SGCZ: variants seen among roughly 807,000 people sequenced by gnomAD.
SGCZ encodes zeta-sarcoglycan.
SGCZ carries 40 observed loss-of-function variants against 41.3 expected under a neutral mutation model. The ratio of observed to expected loss-of-function variants is 0.97; its 90% CI spans 0.75 to 1.26. The LOEUF is 1.26. SGCZ is among the 50% of genes most tolerant of loss of function. The probability of loss-of-function intolerance (pLI) is 0.00; values close to 1 mark genes in which losing one functional copy is unlikely to be tolerated. For missense variants in SGCZ, 552 were observed against 369.8 expected (o/e 1.49, Z -4.04); for synonymous variants, 206 against 137.5 (o/e 1.50, Z -3.49).
intron 1 of SGCZ, among the ~76,000 whole-genome samples, chr8:14,691,978 T>C (rs947638467): frequency 6.6e-6 from 1 of 151,974 alleles, no homozygotes; most frequent in African/African-American, 2.4e-5. Context: ...ATACGTGAAA[T>C]ATTAGTAGGA....
chr8:14,282,628 C>G (rs922681579), intron 3 of SGCZ, among the ~76,000 whole-genome samples: 11 of 152,124 alleles, frequency 7.2e-5, no homozygotes, highest in African/African-American at 2.4e-4. Context: ...AGAAAGGAGA[C>G]CACTTTCAGA....
intron 3 of SGCZ, among the ~76,000 whole-genome samples, chr8:14,286,441 A>C (rs557858063): frequency 8.2e-5 from 12 of 147,066 alleles, no homozygotes; most frequent in African/African-American, 2.9e-4. Context: ...AGCTGGGACA[A>C]AGAAGTTCCC....
chr8:14,805,500 T>A (rs1172269665), intron 1 of SGCZ, among the ~76,000 whole-genome samples: 1 of 135,192 alleles, frequency 7.4e-6, no homozygotes, highest in Non-Finnish European at 1.6e-5. Context: ...TACATAATGG[T>A]AAAGGGATCA....
intron 2 of SGCZ, among the ~76,000 whole-genome samples, chr8:14,526,938 C>T (rs1391109959): frequency 1.3e-5 from 2 of 152,082 alleles, no homozygotes; most frequent in African/African-American, 4.8e-5. Context: ...AACTAGTTAT[C>T]TACTGGGCAC....
intron 3 of SGCZ, among the ~76,000 whole-genome samples, chr8:14,263,004 T>C (rs1016199401): frequency 5.3e-5 from 8 of 152,198 alleles, no homozygotes; most frequent in African/African-American, 1.9e-4. Flanking sequence ...CACAAACTTC[T>C]CTTTTCTTAA....
intron 1 of SGCZ, among the ~76,000 whole-genome samples, chr8:14,968,324 C>A (rs4562327): frequency 6.6e-6 from 1 of 151,830 alleles, no homozygotes; most frequent in East Asian, 1.9e-4. Flanking sequence ...CTGGGAACAT[C>A]TGAAACCTCA....
chr8:14,750,705 T>A (rs1484996542), intron 1 of SGCZ, among the ~76,000 whole-genome samples: 1 of 152,208 alleles, frequency 6.6e-6, no homozygotes, highest in Non-Finnish European at 1.5e-5. Flanking sequence ...AACTAGAATA[T>A]TTGAAGCACT....
intron 1 of SGCZ, among the ~76,000 whole-genome samples, chr8:14,752,609 G>C (rs1364558338): frequency 1.3e-5 from 2 of 151,838 alleles, no homozygotes; most frequent in Admixed American, 1.3e-4. Flanking sequence ...ATACTCCCTT[G>C]GTCTATAGGA....
intron 1 of SGCZ, among the ~76,000 whole-genome samples, chr8:15,234,403 G>A (rs1260529832): frequency 6.6e-6 from 1 of 152,124 alleles, no homozygotes; most frequent in Non-Finnish European, 1.5e-5. Context: ...GCAAAATCCA[G>A]AGTAAAGTTT....
chr8:14,777,678 T>C (rs1391191458), intron 1 of SGCZ, among the ~76,000 whole-genome samples: 1 of 152,164 alleles, frequency 6.6e-6, no homozygotes, highest in Non-Finnish European at 1.5e-5. Flanking sequence ...GGACATGATG[T>C]TTGCAACTTG....
chr8:14,411,153 G>A (rs1245297917), intron 2 of SGCZ, among the ~76,000 whole-genome samples: 4 of 151,980 alleles, frequency 2.6e-5, no homozygotes, highest in Admixed American at 2.6e-4. Flanking sequence ...TTGAGATTAA[G>A]TTTTCAAATT....
chr8:14,676,790 A>C (rs985573009), intron 1 of SGCZ, among the ~76,000 whole-genome samples: 1 of 152,208 alleles, frequency 6.6e-6, no homozygotes, highest in Non-Finnish European at 1.5e-5. Flanking sequence ...AAAAGCTCTT[A>C]GAAAACAAGA....
At chr8:15,118,054 T>C (rs1412989443) in intron 1 of SGCZ, among the ~76,000 whole-genome samples, 1 of 152,220 alleles carries the variant, frequency 6.6e-6, no homozygotes, top group South Asian at 2.1e-4. Context: ...CAGTTCGTCT[T>C]CTTGCTTCAG....
chr8:14,701,233 C>G (rs1179983903), intron 1 of SGCZ, among the ~76,000 whole-genome samples: 1 of 151,938 alleles, frequency 6.6e-6, no homozygotes, highest in African/African-American at 2.4e-5. Flanking sequence ...GATTGTTCAA[C>G]AGTCAAGTCT....
rs556549467 is a variant in SGCZ, at chr8:14,300,448, A to G, written c.336+23655T>C. Among the ~76,000 whole-genome samples the G allele has an allele frequency of 5.9e-5, 9 of 152,064 alleles. No homozygotes were observed. In the East Asian group the frequency reaches 1.4e-3, roughly 23 times the overall value. On this transcript the variant is annotated intron_variant, in intron 3 of 7. Transcript: ENST00000382080. Reference sequence around the variant, plus strand: ...AAATAAAGCTTGGGTTCTGAAGTCAATACAGTATAGTTCATATTCCCAGGT... The same window carrying G: ...AAATAAAGCTTGGGTTCTGAAGTCAGTACAGTATAGTTCATATTCCCAGGT...
At chr8:14,784,913 A>AAAAAATATATATATATAT (rs1408574493) in intron 1 of SGCZ, among the ~76,000 whole-genome samples, 1 of 88,036 alleles carries the variant, frequency 1.1e-5, no homozygotes, top group African/African-American at 4.7e-5. Context: ...AAAAAAAAAA[A>AAAAAATATATATATATAT]ATATATATAT....
At chr8:14,298,084 T>C (rs1254624971) in intron 3 of SGCZ, among the ~76,000 whole-genome samples, 1 of 151,986 alleles carries the variant, frequency 6.6e-6, no homozygotes, top group African/African-American at 2.4e-5. Flanking sequence ...TTCATAATAT[T>C]ACAGATGAGA....
chr8:14,909,574 C>A (rs1043533783), intron 1 of SGCZ, among the ~76,000 whole-genome samples: 2 of 151,888 alleles, frequency 1.3e-5, no homozygotes, highest in Non-Finnish European at 2.9e-5. Flanking sequence ...TTTTATAAAT[C>A]AATATGATTT....
intron 1 of SGCZ, among the ~76,000 whole-genome samples, chr8:14,885,399 T>C (rs540339546): frequency 2.0e-4 from 30 of 152,270 alleles, no homozygotes; most frequent in African/African-American, 6.5e-4. Context: ...GGCTCTTGAG[T>C]GTGAATTTTG....
Sources: allele counts gnomAD v4.1 joint callset (sites outside exome capture counted in the v4.1 genomes callset), GRCh38; gene constraint gnomAD v4.1.1; transcripts MANE v1.5; gene names NCBI Gene and HGNC (gene_info 2026-07-23, HGNC 2026-07-21).